The following CDH18 variants were observed in gnomAD, a reference collection of about 807,000 sequenced individuals.
CDH18 encodes the protein cadherin 18.
In CDH18, 31 loss-of-function variants were observed where a neutral mutation model predicts 67.9. The observed-to-expected ratio is 0.46, with a 90% CI of 0.34 to 0.62. The LOEUF (loss-of-function observed/expected upper bound fraction) is 0.62, where lower values mean the gene tolerates loss of function less well. Among genes scored for constraint, CDH18 ranks in the 20% least tolerant of loss-of-function variants. The probability of loss-of-function intolerance (pLI) is 0.01; values close to 1 mark genes in which losing one functional copy is unlikely to be tolerated. For synonymous variants in CDH18, 362 were observed against 347.2 expected (o/e 1.04, Z -0.48); for missense variants, 890 against 975.5 (o/e 0.91, Z 1.17).
intron 2 of CDH18, among the ~76,000 whole-genome samples, chr5:20,091,521 C>T (rs775166297): frequency 2.6e-5 from 4 of 151,912 alleles, no homozygotes; most frequent in Non-Finnish European, 5.9e-5. Flanking sequence ...AATGAAACAA[C>T]AACAACAACA....
chr5:19,584,668 C>G (rs746570426), intron 7 of CDH18, among the ~76,000 whole-genome samples: 1 of 151,214 alleles, frequency 6.6e-6, no homozygotes, highest in African/African-American at 2.4e-5. Flanking sequence ...TCAAGGGAGG[C>G]CAGATGCAGT....
intron 2 of CDH18, among the ~76,000 whole-genome samples, chr5:20,179,973 C>A (rs1295930371): frequency 6.6e-6 from 1 of 152,012 alleles, no homozygotes; most frequent in Non-Finnish European, 1.5e-5. Flanking sequence ...AGGAAGACCC[C>A]CTGAAACTAT....
chr5:19,706,822 C>T (rs965660303), intron 5 of CDH18, among the ~76,000 whole-genome samples: 3 of 152,066 alleles, frequency 2.0e-5, no homozygotes, highest in Non-Finnish European at 4.4e-5. Flanking sequence ...TCCCTGAAAC[C>T]ACAGTCACAA....
At chr5:19,914,425 G>A (rs1791520188) in intron 2 of CDH18, among the ~76,000 whole-genome samples, 2 of 151,974 alleles carry the variant, frequency 1.3e-5, no homozygotes, top group African/African-American at 4.8e-5. Flanking sequence ...GTAGTCAATT[G>A]TTTGCTTATT....
chr5:19,997,949 G>A (rs1341793331), intron 2 of CDH18, among the ~76,000 whole-genome samples: 1 of 152,144 alleles, frequency 6.6e-6, no homozygotes, highest in Admixed American at 6.5e-5. Context: ...ATGACAGGGT[G>A]TTTAAAGATG....
At chr5:20,363,096 G>C (rs1035543683) in intron 1 of CDH18, among the ~76,000 whole-genome samples, 1 of 152,150 alleles carries the variant, frequency 6.6e-6, no homozygotes, top group Admixed American at 6.6e-5. Flanking sequence ...CCTGGATTGT[G>C]TCCATTGATA....
At chr5:19,907,174 A>C in intron 2 of CDH18, among the ~76,000 whole-genome samples, 1 of 152,092 alleles carries the variant, frequency 6.6e-6, no homozygotes, top group South Asian at 2.1e-4. Context: ...TTGCCATATA[A>C]AAAAATTCAT....
chr5:19,487,013 A>T (rs1740512299), intron 11 of CDH18, among the ~76,000 whole-genome samples: 1 of 152,194 alleles, frequency 6.6e-6, no homozygotes, highest in Admixed American at 6.5e-5. Context: ...AGCAGATTAT[A>T]GAACACTTGG....
chr5:20,458,576 G>T lies in CDH18; in HGVS notation c.-580+116886C>A, dbSNP rs541664222. On this transcript the variant is annotated intron_variant, in intron 1 of 14. Coordinates refer to the CDH18 transcript ENST00000507958. ...GAGTTTGCAGTGAGCTGAGGTTGTA[G>T]CACTGCACTTCAGCCTGGGCAACAG... Among the ~76,000 whole-genome samples, 10 of 152,206 alleles carry T rather than the reference G, an allele frequency of 6.6e-5. No homozygotes were observed. In the South Asian group the frequency reaches 2.1e-3, roughly 32 times the overall value.
At chr5:20,382,299 C>G (rs779010030) in intron 1 of CDH18, among the ~76,000 whole-genome samples, 4 of 152,142 alleles carry the variant, frequency 2.6e-5, no homozygotes, top group Non-Finnish European at 4.4e-5. Context: ...AATACTGAGA[C>G]TTTACATTGG....
At chr5:20,341,534 T>C (rs949654147) in intron 1 of CDH18, among the ~76,000 whole-genome samples, 1 of 81,676 alleles carries the variant, frequency 1.2e-5, no homozygotes, top group Non-Finnish European at 2.5e-5. Flanking sequence ...CTAATATATA[T>C]ATTAGAGGGC....
At chr5:20,144,299 A>G (rs1750474553) in intron 2 of CDH18, among the ~76,000 whole-genome samples, 1 of 152,162 alleles carries the variant, frequency 6.6e-6, no homozygotes. Context: ...CCATAGGATT[A>G]GCAAGCCAAG....
intron 1 of CDH18, among the ~76,000 whole-genome samples, chr5:20,388,810 A>C (rs1744554798): frequency 6.6e-6 from 1 of 152,118 alleles, no homozygotes; most frequent in South Asian, 2.1e-4. Flanking sequence ...TTATGTACCC[A>C]GTAGTCATTC....
intron 2 of CDH18, among the ~76,000 whole-genome samples, chr5:20,199,805 G>A (rs948157859): frequency 6.6e-6 from 1 of 152,106 alleles, no homozygotes; most frequent in African/African-American, 2.4e-5. Flanking sequence ...CTCCCATGCT[G>A]TTCTTGTGAA....
chr5:19,782,335 C>A (rs1775213683), intron 3 of CDH18, among the ~76,000 whole-genome samples: 1 of 152,044 alleles, frequency 6.6e-6, no homozygotes, highest in Admixed American at 6.6e-5. Flanking sequence ...GAGAAAACAG[C>A]CCCATGATTC....
intron 1 of CDH18, among the ~76,000 whole-genome samples, chr5:20,344,631 G>A (rs1366447168): frequency 6.6e-6 from 1 of 151,952 alleles, no homozygotes; most frequent in Non-Finnish European, 1.5e-5. Context: ...CAGTTCTCGG[G>A]AAAGGTAGAA....
intron 2 of CDH18, among the ~76,000 whole-genome samples, chr5:20,236,213 CTGATTT>C (rs1742464168): frequency 1.3e-5 from 2 of 150,840 alleles, no homozygotes; most frequent in African/African-American, 4.9e-5. Context: ...CATGTATACC[CTGATTT>C]TAAAGTAAAA....
intron 8 of CDH18, among the ~76,000 whole-genome samples, chr5:19,548,038 T>C (rs1035410880): frequency 5.3e-5 from 8 of 152,160 alleles, no homozygotes; most frequent in Admixed American, 1.3e-4. Context: ...CATAAAACTA[T>C]TAATCAAACC....
chr5:20,504,799 C>T (rs1249774950), intron 1 of CDH18, among the ~76,000 whole-genome samples: 2 of 135,270 alleles, frequency 1.5e-5, no homozygotes, highest in African/African-American at 5.5e-5. Flanking sequence ...ACGGAGTCTC[C>T]CTTTGTCACC....
Sources: allele counts gnomAD v4.1 joint callset (sites outside exome capture counted in the v4.1 genomes callset), GRCh38; gene constraint gnomAD v4.1.1; transcripts MANE v1.5; gene names NCBI Gene and HGNC (gene_info 2026-07-23, HGNC 2026-07-21).